OPCML: variants seen among roughly 807,000 people sequenced by gnomAD.
OPCML encodes opioid-binding protein/cell adhesion molecule.
OPCML carries 13 observed loss-of-function variants against 37.8 expected under a neutral mutation model. The observed-to-expected ratio is 0.34, with a 90% confidence interval of 0.22 to 0.55. The LOEUF is 0.55. OPCML is among the 20% of genes least tolerant of loss of function. The probability of loss-of-function intolerance (pLI) is 0.91; values close to 1 mark genes in which losing one functional copy is unlikely to be tolerated. For missense variants in OPCML, 341 were observed against 435.6 expected, an observed-to-expected ratio of 0.78 and a Z score of 1.93; for synonymous variants, 176 against 168.8, an observed-to-expected ratio of 1.04 and a Z score of -0.33.
chr11:132,914,782 G>A (rs923197553), intron 2 of OPCML, among the ~76,000 whole-genome samples: 1 of 152,182 alleles, frequency 6.6e-6, no homozygotes, highest in Admixed American at 6.5e-5. Flanking sequence ...TGAAACCAGA[G>A]CCCCAAGGAG....
chr11:133,274,368 GAC>G (rs1327954230), intron 1 of OPCML, among the ~76,000 whole-genome samples: 37 of 152,144 alleles, frequency 2.4e-4, no homozygotes, highest in African/African-American at 8.9e-4. Context: ...AAGGAGAAAA[GAC>G]ACAGAGACAG....
In OPCML at chr11:133,373,453, AC is replaced by A. The variant is rs1326499119; in HGVS notation, c.61+158810del. Among the ~76,000 whole-genome samples, 415 of 145,658 alleles carry A rather than the reference AC, an allele frequency of 2.8e-3. 3 individuals are homozygous for A. The highest frequency in any genetic ancestry group is 9.1e-3 in the African/African-American group (358 of 39,470). ...TATATATATATATATATATATACACACACACACACAAAAATACAAAATTTAG... is the reference window on the plus strand; with the variant it reads ...TATATATATATATATATATATACACAACACACACAAAAATACAAAATTTAG... On this transcript the variant is annotated intron_variant, in intron 1 of 7. Transcript: ENST00000524381.
intron 4 of OPCML, among the ~76,000 whole-genome samples, chr11:132,508,247 C>T (rs1377796583): frequency 6.6e-6 from 1 of 151,952 alleles, no homozygotes; most frequent in African/African-American, 2.4e-5. Context: ...ATTACTGATA[C>T]CAAAACCAGT....
At chr11:132,608,573 A>G (rs1197568487) in intron 3 of OPCML, among the ~76,000 whole-genome samples, 1 of 152,196 alleles carries the variant, frequency 6.6e-6, no homozygotes, top group Non-Finnish European at 1.5e-5. Context: ...ATGCTGGGCA[A>G]TCTAGCTTGG....
intron 2 of OPCML, among the ~76,000 whole-genome samples, chr11:132,722,477 C>G (rs1023131629): frequency 6.6e-6 from 1 of 152,036 alleles, no homozygotes; most frequent in African/African-American, 2.4e-5. Context: ...TAGCACTCTC[C>G]TTTTTCTGCA....
At chr11:132,823,312 G>A (rs1940102615) in intron 2 of OPCML, among the ~76,000 whole-genome samples, 1 of 152,006 alleles carries the variant, frequency 6.6e-6, no homozygotes. Flanking sequence ...TTCGCATGGG[G>A]GACAACCTCT....
Position 132,638,163 on chromosome 11 carries a change from C to CTATATATA in OPCML, c.379+18916_379+18923dup, listed in dbSNP as rs71905540. On this transcript the variant is annotated intron_variant, in intron 3 of 7. Transcript: ENST00000524381. ...GAAAGCTAAAGAGCATATATACAGA[C>CTATATATA]TATATATATATATATATATATATAC... 1.6e-3 allele frequency among the ~76,000 whole-genome samples: 199 copies of CTATATATA among 128,234 alleles called. 4 individuals are homozygous for CTATATATA. The highest frequency in any genetic ancestry group is 1.9e-3 in the Non-Finnish European group (114 of 58,518). The allele number at this position is 128,234 out of a possible 152,430, so 84.1% of individuals were successfully genotyped here.
chr11:132,728,743 T>A (rs1406364847), intron 2 of OPCML, among the ~76,000 whole-genome samples: 1 of 152,158 alleles, frequency 6.6e-6, no homozygotes, highest in Non-Finnish European at 1.5e-5. Flanking sequence ...AAATAGCCCA[T>A]GTGAACTCAT....
At chr11:133,288,345 G>GACA (rs1311108625) in intron 1 of OPCML, among the ~76,000 whole-genome samples, 1 of 152,204 alleles carries the variant, frequency 6.6e-6, no homozygotes, top group Non-Finnish European at 1.5e-5. Context: ...TCCACCATGA[G>GACA]ACAACCCATG....
intron 2 of OPCML, among the ~76,000 whole-genome samples, chr11:132,779,859 CA>C (rs1241619959): frequency 4.6e-5 from 7 of 152,204 alleles, no homozygotes; most frequent in Non-Finnish European, 8.8e-5. Flanking sequence ...TCATTCCAAA[CA>C]GACCGAAACT....
chr11:132,755,988 C>T (rs979153904), intron 2 of OPCML, among the ~76,000 whole-genome samples: 2 of 152,126 alleles, frequency 1.3e-5, no homozygotes, highest in African/African-American at 4.8e-5. Context: ...CAGGAAACAC[C>T]ATGTCCCCTG....
intron 1 of OPCML, among the ~76,000 whole-genome samples, chr11:133,190,147 A>G (rs1271225477): frequency 6.6e-6 from 1 of 152,224 alleles, no homozygotes; most frequent in Non-Finnish European, 1.5e-5. Context: ...CCAGAGTCCA[A>G]ACATGCTGTG....
At chr11:132,862,481 C>T (rs1009090337) in intron 2 of OPCML, among the ~76,000 whole-genome samples, 15 of 129,626 alleles carry the variant, frequency 1.2e-4, no homozygotes, top group Admixed American at 7.1e-4. Flanking sequence ...GTCATCTATA[C>T]GAAAAAAAAA....
chr11:133,340,910 C>T (rs1472312495), intron 1 of OPCML, among the ~76,000 whole-genome samples: 1 of 152,154 alleles, frequency 6.6e-6, no homozygotes, highest in East Asian at 1.9e-4. Context: ...CACATAGCTC[C>T]TGTTCTCCTT....
intron 7 of OPCML, among the ~76,000 whole-genome samples, chr11:132,428,680 C>A (rs1016134453): frequency 2.6e-5 from 4 of 152,178 alleles, no homozygotes; most frequent in Non-Finnish European, 4.4e-5. Flanking sequence ...AGGTACAAAA[C>A]CTGCTGCTGT....
At chr11:132,757,622 T>A (rs894378719) in intron 2 of OPCML, among the ~76,000 whole-genome samples, 3 of 152,362 alleles carry the variant, frequency 2.0e-5, no homozygotes, top group African/African-American at 4.8e-5. Flanking sequence ...TCTGTTCATA[T>A]CCTTTGCCCA....
chr11:133,014,013 G>T lies in OPCML; in HGVS notation c.62-71003C>A, dbSNP rs561241867. Among the ~76,000 whole-genome samples the T allele has an allele frequency of 3.9e-5, 6 of 152,232 alleles. No homozygotes were observed. In the South Asian group the frequency reaches 1.2e-3, roughly 32 times the overall value. ...CCCTGCTCCTCCTCCCACCACCACC[G>T]CTAGGAAGAATGAAGGTTAACCACT... is the stretch of plus-strand genomic sequence containing the variant. On this transcript the variant is annotated intron_variant, in intron 1 of 7. Coordinates refer to ENST00000524381, the MANE Select transcript of OPCML (RefSeq NM_001012393.5).
At chr11:133,364,244 A>C (rs1003708659) in intron 1 of OPCML, among the ~76,000 whole-genome samples, 1 of 152,230 alleles carries the variant, frequency 6.6e-6, no homozygotes, top group Non-Finnish European at 1.5e-5. Context: ...GTGCATGTAC[A>C]AACCACCTAT....
intron 4 of OPCML, among the ~76,000 whole-genome samples, chr11:132,495,586 G>A (rs773781776): frequency 1.3e-5 from 2 of 152,120 alleles, no homozygotes; most frequent in Admixed American, 6.5e-5. Context: ...ATATTGTATA[G>A]AGTGGTTTAA....
Sources: gnomAD v4.1 joint callset for allele counts (sites outside exome capture counted in the v4.1 genomes callset) on GRCh38, gnomAD v4.1.1 for gene constraint, MANE v1.5 for transcripts, NCBI Gene and HGNC (gene_info 2026-07-23, HGNC 2026-07-21) for gene names.